Variants in ZFHX3 observed in about 807,000 individuals in gnomAD.
ZFHX3 encodes zinc finger homeobox 3.
A neutral mutation model predicts 279.1 loss-of-function variants in ZFHX3; 42 were observed. The ratio of observed to expected loss-of-function variants is 0.15; its 90% CI spans 0.12 to 0.19. The LOEUF (loss-of-function observed/expected upper bound fraction) is 0.19, where lower values mean the gene tolerates loss of function less well. Among genes scored for constraint, ZFHX3 ranks in the 10% least tolerant of loss-of-function variants. The pLI is 1.00. For missense variants in ZFHX3, 4,981 were observed against 4,754.0 expected (o/e 1.05, Z -1.40); for synonymous variants, 2,293 against 1,957.8 (o/e 1.17, Z -4.52).
chr16:73,595,792 A>G (rs1426229990), intron 2 of ZFHX3, among the ~76,000 whole-genome samples: 1 of 151,922 alleles, frequency 6.6e-6, no homozygotes, highest in Non-Finnish European at 1.5e-5. Context: ...TCTCTAACTC[A>G]CCGAACTAGG....
intron 1 of ZFHX3, among the ~76,000 whole-genome samples, chr16:73,706,479 A>G (rs1009281090): frequency 2.6e-5 from 4 of 151,998 alleles, no homozygotes; most frequent in South Asian, 2.1e-4. Context: ...AAAAAAGAGA[A>G]AAATCATTTC....
chr16:73,439,325 T>G (rs78998116), intron 3 of ZFHX3, among the ~76,000 whole-genome samples: 3,587 of 152,208 alleles, frequency 0.024, 135 homozygotes, highest in African/African-American at 0.081. Context: ...AGTGGCTCTG[T>G]TTTTTCATGC....
rs563210463 is a variant in ZFHX3 at position 72,903,628 on chromosome 16, C to A, written c.3217-13666G>T. ...CCATCTGCTCCAGAATGCAAGGCCC[C>A]CGGGAAAAATAAAACCAAAAGAACA... On this transcript the variant is annotated intron_variant, in intron 3 of 9. Coordinates refer to ENST00000268489, the MANE Select transcript of ZFHX3 (RefSeq NM_006885.4). Among the ~76,000 whole-genome samples the A allele has an allele frequency of 1.2e-4, 18 of 152,164 alleles. No individual in the cohort carries two copies. In the South Asian group the frequency reaches 3.3e-3, roughly 28 times the overall value.
intron 2 of ZFHX3, among the ~76,000 whole-genome samples, chr16:73,574,932 G>A (rs764715881): frequency 1.7e-4 from 26 of 152,192 alleles, no homozygotes; most frequent in African/African-American, 5.5e-4. Context: ...CTTCCCCACC[G>A]ACGACGTTCT....
At chr16:73,678,746 G>A (rs926418983) in intron 2 of ZFHX3, among the ~76,000 whole-genome samples, 2 of 152,034 alleles carry the variant, frequency 1.3e-5, no homozygotes, top group African/African-American at 2.4e-5. Context: ...GTATATATTC[G>A]CTCTGTGCAC....
intron 8 of ZFHX3, among the ~76,000 whole-genome samples, chr16:73,071,610 C>T (rs1965828437): frequency 6.6e-6 from 1 of 152,148 alleles, no homozygotes; most frequent in African/African-American, 2.4e-5. Context: ...GAGTGGCAGT[C>T]CATGCAGGTG....
chr16:73,752,591 G>A (rs566642853), intron 1 of ZFHX3, among the ~76,000 whole-genome samples: 1 of 152,162 alleles, frequency 6.6e-6, no homozygotes, highest in South Asian at 2.1e-4. Context: ...ATCCCAGCAG[G>A]AAAACACTCC....
upstream of ZFHX3, among the ~76,000 whole-genome samples, chr16:73,049,237 C>T (rs578059208): frequency 1.1e-4 from 16 of 152,328 alleles, no homozygotes; most frequent in East Asian, 3.1e-3. Context: ...AATTTACTCC[C>T]GATTCTCACA....
At chr16:73,567,717 C>G (rs2020470670) in intron 2 of ZFHX3, among the ~76,000 whole-genome samples, 1 of 152,178 alleles carries the variant, frequency 6.6e-6, no homozygotes. Context: ...TTGCCTGCGT[C>G]CCTTGTAGCT....
chr16:73,590,295 T>C (rs2051980956), intron 2 of ZFHX3, among the ~76,000 whole-genome samples: 1 of 152,228 alleles, frequency 6.6e-6, no homozygotes, highest in African/African-American at 2.4e-5. Context: ...CCAGATTGTG[T>C]CTCTAATTAT....
At chr16:73,880,688 C>G (rs1239286342) in intron 1 of ZFHX3, among the ~76,000 whole-genome samples, 1 of 152,142 alleles carries the variant, frequency 6.6e-6, no homozygotes, top group African/African-American at 2.4e-5. Context: ...TGTGTGCAGT[C>G]TCCATTTAAA....
chr16:73,547,232 T>C (rs1482106952), intron 2 of ZFHX3, among the ~76,000 whole-genome samples: 3 of 152,136 alleles, frequency 2.0e-5, no homozygotes, highest in Non-Finnish European at 4.4e-5. Flanking sequence ...ATTCTATTTT[T>C]ATATTTACAG....
rs575898184 is a variant in ZFHX3, at chr16:73,747,531, C to A, written c.-1607-67291G>T. 3.3e-5 allele frequency among the ~76,000 whole-genome samples: 5 copies of A among 152,258 alleles called. No individual in the cohort carries two copies. The South Asian group carries it at 8.3e-4, about 25-fold the overall frequency. On this transcript the variant is annotated intron_variant, in intron 1 of 17. Transcript: ENST00000641206. ...AGATTTGTTTGTTTCTGCAGCAGAA[C>A]CTAGCATACCCTGACTAATATACTA...
chr16:73,693,151 C>T (rs2053164958), intron 1 of ZFHX3, among the ~76,000 whole-genome samples: 1 of 152,046 alleles, frequency 6.6e-6, no homozygotes, highest in Admixed American at 6.6e-5. Flanking sequence ...GACAGAGAGC[C>T]CTTGGGCTTC....
At chr16:73,809,788 C>T (rs12444017) in intron 1 of ZFHX3, 17,372 of 152,090 alleles carry the variant, frequency 0.11, 1,203 homozygotes, top group East Asian at 0.28. Context: ...CAAAACAAAA[C>T]AAAAAACTCC....
intron 4 of ZFHX3, among the ~76,000 whole-genome samples, chr16:73,287,829 T>C (rs2014666834): frequency 6.7e-6 from 1 of 149,198 alleles, no homozygotes; most frequent in South Asian, 2.1e-4. Context: ...AGTGTATGGC[T>C]GTGTGGGTTG....
At position 73,538,020 on chromosome 16, in the gene ZFHX3, T is replaced by C. The variant is rs78890876; in HGVS notation, c.-1546-81762A>G. ...TTTCTAGAGTCATGCTGACTGGTCA[T>C]TTTTGCATTCTGATTTCTTTTTTTC... is the stretch of plus-strand genomic sequence containing the variant. On this transcript the variant is annotated intron_variant, in intron 2 of 17. Coordinates refer to the ZFHX3 transcript ENST00000641206. 1.7e-3 allele frequency among the ~76,000 whole-genome samples: 252 copies of C among 152,342 alleles called. 6 individuals are homozygous for C. The East Asian group carries it at 0.04, about 24-fold the overall frequency.
intron 7 of ZFHX3, among the ~76,000 whole-genome samples, chr16:73,124,788 C>G (rs1256817024): frequency 6.6e-6 from 1 of 152,072 alleles, no homozygotes. Context: ...GGCATGGTGA[C>G]GAGAAGCTGG....
chr16:72,931,816 T>C (rs567538717), intron 3 of ZFHX3, among the ~76,000 whole-genome samples: 8 of 152,326 alleles, frequency 5.3e-5, no homozygotes, highest in African/African-American at 1.7e-4. Flanking sequence ...AACTCACTTA[T>C]GCAACGAGGG....
Sources: allele counts gnomAD v4.1 joint callset (sites outside exome capture counted in the v4.1 genomes callset), GRCh38; gene constraint gnomAD v4.1.1; transcripts MANE v1.5; gene names NCBI Gene and HGNC (gene_info 2026-07-23, HGNC 2026-07-21).